ATP2B2: variants seen among roughly 807,000 people sequenced by gnomAD.
The protein encoded by ATP2B2 is ATPase plasma membrane Ca2+ transporting 2, also known as plasma membrane calcium-transporting ATPase 2.
Under a neutral mutation model 120.0 loss-of-function variants are expected in ATP2B2, and 15 were observed. The ratio of observed to expected loss-of-function variants is 0.12; its 90% CI spans 0.08 to 0.19. The LOEUF (loss-of-function observed/expected upper bound fraction) is 0.19, where lower values mean the gene tolerates loss of function less well. Ranked by LOEUF, ATP2B2 falls within the 10% of genes least tolerant of loss-of-function variation. The probability of loss-of-function intolerance (pLI) is 1.00; values close to 1 mark genes in which losing one functional copy is unlikely to be tolerated. For synonymous variants in ATP2B2, 694 were observed against 700.3 expected, an observed-to-expected ratio of 0.99 and a Z score of 0.14; for missense variants, 1,045 against 1,719.8, an observed-to-expected ratio of 0.61 and a Z score of 6.94.
At chr3:10,663,647 A>G (rs1489485889) in intron 1 of ATP2B2, among the ~76,000 whole-genome samples, 1 of 152,136 alleles carries the variant, frequency 6.6e-6, no homozygotes, top group African/African-American at 2.4e-5. Flanking sequence ...CCTGCTAGAG[A>G]AGAGTTTCTG....
intron 1 of ATP2B2, among the ~76,000 whole-genome samples, chr3:10,652,967 C>T (rs6785439): frequency 0.22 from 33,373 of 151,910 alleles, 6,142 homozygotes; most frequent in African/African-American, 0.5. Context: ...TTAATGGGTA[C>T]AGCGTTTCAG....
intron 2 of ATP2B2, among the ~76,000 whole-genome samples, chr3:10,567,933 T>A (rs2068043713): frequency 6.6e-6 from 1 of 152,166 alleles, no homozygotes; most frequent in South Asian, 2.1e-4. Context: ...GTGAGTAAAT[T>A]GTGTGAAGGT....
At chr3:10,637,569 A>G (rs572112642) in intron 1 of ATP2B2, among the ~76,000 whole-genome samples, 1 of 152,220 alleles carries the variant, frequency 6.6e-6, no homozygotes, top group East Asian at 1.9e-4. Flanking sequence ...GAACTTGAAG[A>G]TAGCAATAGA....
At chr3:10,337,506 G>A (rs1220605407) in intron 22 of ATP2B2, among the ~76,000 whole-genome samples, 2 of 152,066 alleles carry the variant, frequency 1.3e-5, no homozygotes, top group African/African-American at 4.8e-5. Flanking sequence ...ATGTGTGTGG[G>A]GGGGTCGGGG....
chr3:10,324,866 T>C lies in ATP2B2; in HGVS notation c.*3948A>G, dbSNP rs1260081727. Reference sequence around the variant, plus strand: ...GTTTCTCCATGATGAGAATTAGAAGTGCAGACAACTGGGCCACACATTCTT... The same window carrying C: ...GTTTCTCCATGATGAGAATTAGAAGCGCAGACAACTGGGCCACACATTCTT... On this transcript the variant is annotated 3_prime_UTR_variant, in exon 23 of 23. Coordinates refer to ENST00000360273, the MANE Select transcript of ATP2B2 (RefSeq NM_001001331.4). 6.6e-6 allele frequency: 1 copy of C among 152,236 alleles called. No individual in the cohort carries two copies. The highest frequency in any genetic ancestry group is 6.5e-5 in the Admixed American group (1 of 15,284). 9.4% of individuals were successfully genotyped at this position (152,236 alleles called of 1,614,324 possible).
intron 2 of ATP2B2, among the ~76,000 whole-genome samples, chr3:10,576,878 T>G (rs554913588): frequency 1.3e-5 from 2 of 151,702 alleles, no homozygotes; most frequent in Non-Finnish European, 2.9e-5. Flanking sequence ...GCCTGGTCAA[T>G]ATGGTGAAAC....
chr3:10,494,592 C>G (rs1172438864), intron 1 of ATP2B2, among the ~76,000 whole-genome samples: 2 of 152,170 alleles, frequency 1.3e-5, no homozygotes, highest in African/African-American at 4.8e-5. Flanking sequence ...CTTGGCTGCC[C>G]TCTGAGGCCT....
chr3:10,549,878 G>A (rs1041718160), intron 2 of ATP2B2, among the ~76,000 whole-genome samples: 3 of 152,202 alleles, frequency 2.0e-5, no homozygotes, highest in African/African-American at 7.2e-5. Flanking sequence ...CCCACTGAGG[G>A]GCCCACTGAG....
At chr3:10,658,637 G>T (rs7649412) in intron 1 of ATP2B2, among the ~76,000 whole-genome samples, 9 of 151,936 alleles carry the variant, frequency 5.9e-5, no homozygotes, top group African/African-American at 2.2e-4. Flanking sequence ...CTGAAAGTGA[G>T]GGGGAGAATG....
intron 14 of ATP2B2, among the ~76,000 whole-genome samples, chr3:10,353,025 C>G (rs572324250): frequency 1.2e-4 from 18 of 152,334 alleles, no homozygotes; most frequent in Non-Finnish European, 8.8e-5. Flanking sequence ...CTTGCACACC[C>G]GATGACAGGG....
At chr3:10,475,082 C>T (rs372346951) in intron 1 of ATP2B2, among the ~76,000 whole-genome samples, 9 of 152,160 alleles carry the variant, frequency 5.9e-5, no homozygotes, top group African/African-American at 2.2e-4. Context: ...AGAGGAAGGA[C>T]GGTTAAGAGA....
chr3:10,689,749 G>A (rs977058943), intron 1 of ATP2B2, among the ~76,000 whole-genome samples: 14 of 152,200 alleles, frequency 9.2e-5, no homozygotes, highest in Admixed American at 6.5e-4. Context: ...CCACTCAGAT[G>A]CTGTACTCCA....
intron 1 of ATP2B2, among the ~76,000 whole-genome samples, chr3:10,472,808 A>G (rs1056777491): frequency 4.6e-5 from 7 of 152,232 alleles, no homozygotes; most frequent in East Asian, 1.9e-4. Flanking sequence ...TCAGACACAC[A>G]TAAGTTGCTT....
rs180974610 is a variant in ATP2B2 at position 10,471,908 on chromosome 3, G to A, written c.-319-22046C>T. On this transcript the variant is annotated intron_variant, in intron 1 of 22. Coordinates refer to ENST00000360273, the MANE Select transcript of ATP2B2 (RefSeq NM_001001331.4). ...ATCCTGGCGAACACGGTGAAACCCC[G>A]TCTCTACTAAAAATACAAAAAAATT... is the stretch of plus-strand genomic sequence containing the variant. Among the ~76,000 whole-genome samples the A allele has an allele frequency of 4.5e-4, 68 of 151,768 alleles. No homozygotes were observed. The East Asian group carries it at 0.01, about 23-fold the overall frequency.
chr3:10,590,767 C>T (rs965494783), intron 2 of ATP2B2, among the ~76,000 whole-genome samples: 4 of 152,328 alleles, frequency 2.6e-5, no homozygotes, highest in African/African-American at 9.6e-5. Flanking sequence ...ACAACATCAG[C>T]GTGGAGGAAG....
chr3:10,615,136 T>C (rs2069349715), intron 2 of ATP2B2, among the ~76,000 whole-genome samples: 1 of 152,082 alleles, frequency 6.6e-6, no homozygotes, highest in Non-Finnish European at 1.5e-5. Context: ...TAAACCACTA[T>C]TGTCAGGAGA....
chr3:10,449,393 C>T lies in ATP2B2; in HGVS notation c.151G>A (p.Gly51Arg). ...EAVVKIKETY[G>R]DTEAICRRLK... Reference sequence around the variant, plus strand: ...CGCCGGCAGATGGCTTCGGTGTCCCCATAAGTCTCCTTGATCTTGACCACA... The same window carrying T: ...CGCCGGCAGATGGCTTCGGTGTCCCTATAAGTCTCCTTGATCTTGACCACA... The change falls in exon 2 of 23, where the codon GGG becomes AGG. Residue 51 changes from glycine to arginine, a missense_variant. This residue lies in a region of ATP2B2 where 139 missense variants were observed against 134.2 expected (regional missense o/e 1.04). Coordinates refer to ENST00000360273, the MANE Select transcript of ATP2B2 (RefSeq NM_001001331.4). 1 of 1,614,254 alleles carries T rather than the reference C, an allele frequency of 6.2e-7. No homozygotes were observed. The highest frequency in any genetic ancestry group is 1.1e-5 in the South Asian group (1 of 91,088).
intron 1 of ATP2B2, among the ~76,000 whole-genome samples, chr3:10,504,750 CTGGAG>C (rs2066546538): frequency 6.6e-6 from 1 of 152,178 alleles, no homozygotes; most frequent in Non-Finnish European, 1.5e-5. Context: ...TATCCCTCAG[CTGGAG>C]ACCACTGAGG....
chr3:10,461,477 G>T (rs1199250308), intron 1 of ATP2B2, among the ~76,000 whole-genome samples: 3 of 152,202 alleles, frequency 2.0e-5, no homozygotes, highest in African/African-American at 7.2e-5. Flanking sequence ...CTCCCTCATG[G>T]TAAAGGTGTT....
Sources: gnomAD v4.1 joint callset for allele counts (sites outside exome capture counted in the v4.1 genomes callset) on GRCh38, gnomAD v4.1.1 for gene constraint, gnomAD v4.1.1 regional missense constraint, MANE v1.5 for transcripts, NCBI Gene and HGNC (gene_info 2026-07-23, HGNC 2026-07-21) for gene names.